Variants in SRC observed in about 807,000 individuals in gnomAD.
SRC encodes proto-oncogene tyrosine-protein kinase Src.
SRC carries 13 observed loss-of-function variants against 62.9 expected under a neutral mutation model. The observed-to-expected ratio is 0.21, with a 90% CI of 0.13 to 0.33. The LOEUF (loss-of-function observed/expected upper bound fraction) is 0.33. SRC is among the 10% of genes least tolerant of loss of function. The pLI, the probability that SRC is intolerant of heterozygous loss-of-function variation, is 1.00. For synonymous variants in SRC, 302 were observed against 317.5 expected, an observed-to-expected ratio of 0.95 and a Z score of 0.52; for missense variants, 457 against 737.3, an observed-to-expected ratio of 0.62 and a Z score of 4.40.
chr20:37,378,447 C>T (rs1000573957), intron 2 of SRC, among the ~76,000 whole-genome samples: 3 of 152,122 alleles, frequency 2.0e-5, no homozygotes, highest in Non-Finnish European at 4.4e-5. Context: ...TGTTTGATTG[C>T]TCACAACCCT....
Position 37,394,390 on chromosome 20 carries a change from C to T in SRC, c.553+113C>T, listed in dbSNP as rs115528410. On this transcript the variant is annotated intron_variant, in intron 7 of 13. Coordinates refer to ENST00000373578, the MANE Select transcript of SRC (RefSeq NM_198291.3). ...GTGGAGTAGGGAGGGAAGAACCTTC[C>T]GGGTGGAGGTAATGGCAGGATCAAA... 3,107 of 869,592 alleles carry T rather than the reference C, an allele frequency of 3.6e-3. 66 individuals are homozygous for T. The African/African-American group carries it at 0.045, about 13-fold the overall frequency. 53.9% of individuals were successfully genotyped at this position (869,592 alleles called of 1,614,324 possible).
intron 5 of SRC, chr20:37,386,381 C>A: frequency 1.4e-6 from 1 of 720,402 alleles, no homozygotes. Flanking sequence ...GAACTCCTCC[C>A]AATCCCTGGC....
At chr20:37,357,987 C>T (rs1319135547) in intron 1 of SRC, among the ~76,000 whole-genome samples, 1 of 152,122 alleles carries the variant, frequency 6.6e-6, no homozygotes, top group East Asian at 1.9e-4. Context: ...CCACTGAGGG[C>T]CTTGGAGGCC....
rs560710560 is a variant in SRC at position 37,400,321 on chromosome 20, G to A, written c.1039+27G>A. On this transcript the variant is annotated intron_variant, in intron 10 of 13. Coordinates refer to ENST00000373578, the MANE Select transcript of SRC (RefSeq NM_198291.3). Reference sequence around the variant, plus strand: ...TGAGTCCTGGGCGGCCGGGGCAGGGGGCAGGGGCACTCCGGACAGGGCAGG... The same window carrying A: ...TGAGTCCTGGGCGGCCGGGGCAGGGAGCAGGGGCACTCCGGACAGGGCAGG... The A allele has an allele frequency of 2.5e-6, 4 of 1,585,748 alleles. No homozygotes were observed. The East Asian group carries it at 6.8e-5, about 27-fold the overall frequency.
At chr20:37,365,365 CACACACG>C (rs1343724677) in intron 2 of SRC, 88 bp downstream of exon 2, 1 of 141,766 alleles carries the variant, frequency 7.1e-6, no homozygotes, top group Non-Finnish European at 1.5e-5. Flanking sequence ...CACACACACA[CACACACG>C]ACAGGGAAAA....
intron 1 of SRC, among the ~76,000 whole-genome samples, chr20:37,354,662 T>C (rs1373691006): frequency 1.3e-5 from 2 of 152,190 alleles, no homozygotes; most frequent in African/African-American, 4.8e-5. Flanking sequence ...CCTTGTGGAC[T>C]TTGTCCCTGA....
Position 37,402,506 on chromosome 20 carries a change from G to C in SRC, c.1188G>C (p.Leu396=). The C allele has an allele frequency of 6.2e-7, 1 of 1,614,102 alleles. No homozygotes were observed. Among genetic ancestry groups the C allele is most frequent in the Non-Finnish European group, 8.5e-7 (1 of 1,180,026 alleles). Residue 396 remains leucine, a synonymous_variant, in exon 12 of 14, where the codon CTG becomes CTC. Coordinates refer to ENST00000373578, the MANE Select transcript of SRC (RefSeq NM_198291.3). This position sits in a 1 kb window ranked among gnomAD's most constrained non-coding sequence, Gnocchi z 6.2. The part of the protein sequence containing the change: ...VHRDLRAANI[L]VGENLVCKVA... ...GGGACCTTCGTGCAGCCAACATCCT[G>C]GTGGGAGAGAACCTGGTGTGCAAAG...
At chr20:37,354,645 G>T (rs1389978643) in intron 1 of SRC, among the ~76,000 whole-genome samples, 1 of 152,196 alleles carries the variant, frequency 6.6e-6, no homozygotes, top group African/African-American at 2.4e-5. Flanking sequence ...GGGAGGCCAG[G>T]GCTGTGCCTT....
intron 5 of SRC, chr20:37,386,455 C>G (rs1416953800): frequency 5.6e-6 from 4 of 709,812 alleles, no homozygotes; most frequent in African/African-American, 5.3e-5. Context: ...CTCGCTGGCC[C>G]TTAGGAGGAA....
intron 1 of SRC, among the ~76,000 whole-genome samples, chr20:37,359,919 A>G (rs1159557550): frequency 6.6e-6 from 1 of 151,512 alleles, no homozygotes; most frequent in South Asian, 2.1e-4. Flanking sequence ...TTTTCTTTGC[A>G]TCATTTAAGT....
intron 2 of SRC, among the ~76,000 whole-genome samples, chr20:37,369,011 G>A (rs2070121179): frequency 6.6e-6 from 1 of 152,182 alleles, no homozygotes; most frequent in African/African-American, 2.4e-5. Context: ...GACTGTCAAT[G>A]TGATTGTTTC....
rs937492781 is a variant in SRC at position 37,396,440 on chromosome 20, C to A, written c.703+129C>A. The A allele has an allele frequency of 2.6e-5, 27 of 1,051,160 alleles. No homozygotes were observed. Among genetic ancestry groups the A allele is most frequent in the South Asian group, 3.2e-5 (2 of 62,938 alleles). 65.1% of individuals were successfully genotyped at this position (1,051,160 alleles called of 1,614,324 possible). A position where few individuals can be genotyped will look rare whatever the true frequency, so the allele number is the denominator to read the frequency against. ...CTTCTCTCCCCACTTCCCCCTCCCC[C>A]CTCCCTTCCTCTCTCCTCCCTTTTC... On this transcript the variant is annotated intron_variant, in intron 8 of 13. Coordinates refer to ENST00000373578, the MANE Select transcript of SRC (RefSeq NM_198291.3). The surrounding 1 kb of genome is among the most constrained non-coding windows in gnomAD (Gnocchi z 6.1).
intron 1 of SRC, among the ~76,000 whole-genome samples, chr20:37,346,653 G>GC (rs2146871960): frequency 6.8e-6 from 1 of 146,382 alleles, no homozygotes; most frequent in South Asian, 2.3e-4. Flanking sequence ...CCGGCCCTGC[G>GC]CCCCCCGGCC....
rs538057072 is a variant in SRC, at chr20:37,367,566, C to T, written c.-173+2289C>T. 3.9e-5 allele frequency among the ~76,000 whole-genome samples: 6 copies of T among 152,084 alleles called. No homozygotes were observed. In the South Asian group the frequency reaches 1.2e-3, roughly 32 times the overall value. Reference sequence around the variant, plus strand: ...TGTTGCCCAGGCTAGTCTTAAAGTCCTGGCCTCAAGTGATCACCCTGCCTC... The same window carrying T: ...TGTTGCCCAGGCTAGTCTTAAAGTCTTGGCCTCAAGTGATCACCCTGCCTC... On this transcript the variant is annotated intron_variant, in intron 2 of 13. Coordinates refer to ENST00000373578, the MANE Select transcript of SRC (RefSeq NM_198291.3).
At chr20:37,349,798 C>T (rs983068248) in intron 1 of SRC, among the ~76,000 whole-genome samples, 1 of 152,218 alleles carries the variant, frequency 6.6e-6, no homozygotes, top group Non-Finnish European at 1.5e-5. Flanking sequence ...CTGCCCTGCC[C>T]TCTCTTTGCC....
chr20:37,357,523 G>A (rs903420298), intron 1 of SRC, among the ~76,000 whole-genome samples: 7 of 152,222 alleles, frequency 4.6e-5, no homozygotes, highest in African/African-American at 1.7e-4. Context: ...GCTGTTCATT[G>A]TTTTGAATAT....
intron 1 of SRC, among the ~76,000 whole-genome samples, chr20:37,361,556 G>T (rs1429841843): frequency 1.3e-5 from 2 of 152,214 alleles, no homozygotes; most frequent in Non-Finnish European, 2.9e-5. Flanking sequence ...GGAGGAGGGG[G>T]CACTGTGTGT....
intron 3 of SRC, among the ~76,000 whole-genome samples, chr20:37,383,365 A>G (rs1600995117): frequency 6.6e-6 from 1 of 151,576 alleles, no homozygotes; most frequent in African/African-American, 2.4e-5. Context: ...TCTGCTTCAA[A>G]CCTCCTGCTG....
intron 1 of SRC, among the ~76,000 whole-genome samples, chr20:37,362,925 C>T (rs986076261): frequency 6.6e-6 from 1 of 152,202 alleles, no homozygotes; most frequent in Non-Finnish European, 1.5e-5. Flanking sequence ...GAAACTGAGG[C>T]TGCAGGACTG....
Sources: allele counts gnomAD v4.1 joint callset (sites outside exome capture counted in the v4.1 genomes callset), GRCh38; gene constraint gnomAD v4.1.1; non-coding constraint Gnocchi (gnomAD v3.1); transcripts MANE v1.5; gene names NCBI Gene and HGNC (gene_info 2026-07-23, HGNC 2026-07-21).